SLC9C2: variants seen among roughly 807,000 people sequenced by gnomAD.
SLC9C2 encodes the protein sodium/hydrogen exchanger 11.
In SLC9C2, 75 loss-of-function variants were observed where a neutral mutation model predicts 140.2. The ratio of observed to expected loss-of-function variants is 0.53; its 90% CI spans 0.44 to 0.65. The LOEUF (loss-of-function observed/expected upper bound fraction) is 0.65. Ranked by LOEUF, SLC9C2 falls within the 30% of genes least tolerant of loss-of-function variation. The pLI is 0.00. For synonymous variants in SLC9C2, 375 were observed against 420.9 expected, an observed-to-expected ratio of 0.89 and a Z score of 1.34; for missense variants, 1,074 against 1,331.8, an observed-to-expected ratio of 0.81 and a Z score of 3.01.
intron 13 of SLC9C2, among the ~76,000 whole-genome samples, chr1:173,540,980 G>A (rs1197124560): frequency 6.6e-6 from 1 of 152,140 alleles, no homozygotes; most frequent in Non-Finnish European, 1.5e-5. Context: ...ACATCATAAT[G>A]ACAGGATCAA....
chr1:173,512,295 T>G (rs1660108846), intron 23 of SLC9C2, among the ~76,000 whole-genome samples: 1 of 152,218 alleles, frequency 6.6e-6, no homozygotes, highest in Admixed American at 6.5e-5. Context: ...CATGGAATGT[T>G]TTTCCATTTG....
chr1:173,507,910 G>A (rs1026722439), intron 24 of SLC9C2, among the ~76,000 whole-genome samples: 8 of 152,084 alleles, frequency 5.3e-5, no homozygotes, highest in African/African-American at 1.9e-4. Context: ...CTTTGTTACA[G>A]CCGTGCTTGC....
chr1:173,543,721 C>T (rs747951654), intron 13 of SLC9C2, among the ~76,000 whole-genome samples: 5 of 152,184 alleles, frequency 3.3e-5, no homozygotes, highest in Non-Finnish European at 5.9e-5. Context: ...ACCATCTGAT[C>T]TTTGACAAAC....
intron 9 of SLC9C2, among the ~76,000 whole-genome samples, chr1:173,562,461 A>G (rs922916192): frequency 5.9e-5 from 9 of 152,222 alleles, no homozygotes; most frequent in African/African-American, 2.2e-4. Context: ...TTAACAGATT[A>G]GGAACAATTT....
At chr1:173,602,391 C>T (rs1666839778) in intron 1 of SLC9C2, among the ~76,000 whole-genome samples, 1 of 152,128 alleles carries the variant, frequency 6.6e-6, no homozygotes, top group South Asian at 2.1e-4. Context: ...AAATGGGAAA[C>T]AAAGTCAAAG....
rs1156888428 is a variant in SLC9C2, at chr1:173,564,075, T to C, written c.1047-6567A>G. ...GCTGAATAGTATTCCATTGTGTATA[T>C]GTACCACATTTTCTTTACCCATTCA... On this transcript the variant is annotated intron_variant, in intron 9 of 27. Coordinates refer to ENST00000367714, the MANE Select transcript of SLC9C2 (RefSeq NM_178527.4). 4.6e-5 allele frequency among the ~76,000 whole-genome samples: 7 copies of C among 152,352 alleles called. 1 individual carries two copies.
chr1:173,550,444 A>ATTTTT (rs1382249001), intron 11 of SLC9C2, among the ~76,000 whole-genome samples: 3 of 129,304 alleles, frequency 2.3e-5, no homozygotes, highest in African/African-American at 3.3e-5. Flanking sequence ...TTATTTATTT[A>ATTTTT]TTTATTTATT....
At chr1:173,559,335 C>T (rs568714110) in intron 9 of SLC9C2, among the ~76,000 whole-genome samples, 1 of 152,352 alleles carries the variant, frequency 6.6e-6, no homozygotes, top group African/African-American at 2.4e-5. Flanking sequence ...ATTCACATAA[C>T]TCATGGCATC....
chr1:173,529,444 T>A (rs1347644504), intron 18 of SLC9C2, among the ~76,000 whole-genome samples: 1 of 151,918 alleles, frequency 6.6e-6, no homozygotes, highest in East Asian at 1.9e-4. Context: ...GGGTCTTAAA[T>A]GATAAAAAAT....
intron 16 of SLC9C2, 80 bp from the exon 17 acceptor site, chr1:173,533,877 G>C: frequency 7.2e-7 from 1 of 1,389,830 alleles, no homozygotes; most frequent in East Asian, 2.6e-5. Flanking sequence ...TAACAACTAA[G>C]TTCTTAACTA....
At chr1:173,588,958 G>C (rs1666007499) in intron 4 of SLC9C2, among the ~76,000 whole-genome samples, 1 of 152,106 alleles carries the variant, frequency 6.6e-6, no homozygotes, top group Non-Finnish European at 1.5e-5. Flanking sequence ...CACACCTGTA[G>C]TACCAGCTAC....
chr1:173,524,972 C>A (rs1332363493), intron 19 of SLC9C2, 45 bp from the exon 20 acceptor site: 2 of 1,581,778 alleles, frequency 1.3e-6, no homozygotes, highest in Admixed American at 1.7e-5. Flanking sequence ...TATGCAATAA[C>A]CACAATAACT....
intron 13 of SLC9C2, among the ~76,000 whole-genome samples, chr1:173,544,024 AG>A (rs1232638014): frequency 6.6e-6 from 1 of 152,246 alleles, no homozygotes; most frequent in Non-Finnish European, 1.5e-5. Flanking sequence ...ATTAAACTAA[AG>A]AGCTTCTGCA....
At chr1:173,553,142 C>T (rs1316727831) in intron 11 of SLC9C2, among the ~76,000 whole-genome samples, 1 of 152,074 alleles carries the variant, frequency 6.6e-6, no homozygotes, top group African/African-American at 2.4e-5. Context: ...AGAAGTAGAG[C>T]CTGAAGATGT....
In SLC9C2 at chr1:173,536,478, T is replaced by C. The variant is rs540726955; in HGVS notation, c.1655+464A>G. The stretch of plus-strand genomic sequence containing the variant: ...CTGAGCTTTTCCCACCAGACTTAAT[T>C]GCACTTGTCAGCACCAGCAGTTGGG... On this transcript the variant is annotated intron_variant, in intron 14 of 27. Coordinates refer to ENST00000367714, the MANE Select transcript of SLC9C2 (RefSeq NM_178527.4). Among the ~76,000 whole-genome samples the C allele has an allele frequency of 2.5e-3, 387 of 152,320 alleles. 4 individuals carry two copies. Among genetic ancestry groups the C allele is most frequent in the African/African-American group, 8.9e-3 (370 of 41,570 alleles).
At position 173,540,761 on chromosome 1, in the gene SLC9C2, T is replaced by C. The variant is rs116418353; in HGVS notation, c.1558-3722A>G. Among the ~76,000 whole-genome samples the C allele has an allele frequency of 4.4e-3, 667 of 152,270 alleles. 8 individuals carry two copies. Among genetic ancestry groups the C allele is most frequent in the African/African-American group, 0.015 (633 of 41,550 alleles). ...AGGTAGAGAAAGACAGAGACAGGGA[T>C]AAACCAAAGAGAAATAGTTCAGTCT... On this transcript the variant is annotated intron_variant, in intron 13 of 27. Coordinates refer to ENST00000367714, the MANE Select transcript of SLC9C2 (RefSeq NM_178527.4).
intron 14 of SLC9C2, 56 bp from the exon 15 acceptor site, chr1:173,536,005 G>T (rs1461020): frequency 4.9e-6 from 7 of 1,417,520 alleles, no homozygotes; most frequent in South Asian, 1.3e-5. Flanking sequence ...CTATACTTTG[G>T]GTTAATATAA....
At chr1:173,551,498 A>G (rs1279178580) in intron 11 of SLC9C2, among the ~76,000 whole-genome samples, 1 of 152,242 alleles carries the variant, frequency 6.6e-6, no homozygotes, top group Non-Finnish European at 1.5e-5. Context: ...CAAGTCTATC[A>G]GCACCATTTT....
At position 173,547,670 on chromosome 1, in the gene SLC9C2, T is replaced by G; in HGVS notation, c.1557+19A>C. ...TTGCAAGAAAGGAAATTTTAAAACA[T>G]TATGTGAACAGCACCAACCATTTGT... On this transcript the variant is annotated intron_variant, in intron 13 of 27. Transcript: ENST00000367714. The G allele has an allele frequency of 6.3e-7, 1 of 1,585,690 alleles. No homozygotes were observed. Among genetic ancestry groups the G allele is most frequent in the African/African-American group, 1.3e-5 (1 of 74,286 alleles).
Sources: gnomAD v4.1 joint callset for allele counts (sites outside exome capture counted in the v4.1 genomes callset) on GRCh38, gnomAD v4.1.1 for gene constraint, MANE v1.5 for transcripts, NCBI Gene and HGNC (gene_info 2026-07-23, HGNC 2026-07-21) for gene names.